RHAG: variants seen among roughly 807,000 people sequenced by gnomAD.
RHAG encodes the protein ammonium transporter Rh type A.
In RHAG, 25 loss-of-function variants were observed where a neutral mutation model predicts 42.4. That is an observed-to-expected ratio of 0.59 (90% CI 0.43 to 0.82). The LOEUF (loss-of-function observed/expected upper bound fraction) is 0.82, where lower values mean the gene tolerates loss of function less well. Ranked by LOEUF, RHAG falls within the 40% of genes least tolerant of loss-of-function variation. The probability of loss-of-function intolerance (pLI) is 0.00; values close to 1 mark genes in which losing one functional copy is unlikely to be tolerated. For synonymous variants in RHAG, 182 were observed against 177.7 expected, an observed-to-expected ratio of 1.02 and a Z score of -0.19; for missense variants, 483 against 504.6, an observed-to-expected ratio of 0.96 and a Z score of 0.41.
intron 7 of RHAG, among the ~76,000 whole-genome samples, chr6:49,607,934 A>C (rs1366768815): frequency 6.6e-6 from 1 of 152,174 alleles, no homozygotes; most frequent in African/African-American, 2.4e-5. Context: ...CAGTCTCATC[A>C]TCCAAGGGAA....
intron 1 of RHAG, among the ~76,000 whole-genome samples, chr6:49,623,688 G>C (rs1293583652): frequency 1.3e-5 from 2 of 152,162 alleles, no homozygotes; most frequent in Non-Finnish European, 2.9e-5. Flanking sequence ...TACAGACTAG[G>C]GATGCTGCCA....
chr6:49,633,403 C>T (rs1470243914), intron 1 of RHAG, among the ~76,000 whole-genome samples: 1 of 152,168 alleles, frequency 6.6e-6, no homozygotes, highest in Non-Finnish European at 1.5e-5. Context: ...TATACCATTA[C>T]ATAAACTTTG....
chr6:49,620,143 G>A (rs989996445), intron 1 of RHAG, among the ~76,000 whole-genome samples: 1 of 152,088 alleles, frequency 6.6e-6, no homozygotes, highest in Admixed American at 6.6e-5. Context: ...GGGGATATGG[G>A]CTCAGGTACC....
intron 1 of RHAG, among the ~76,000 whole-genome samples, chr6:49,620,893 G>T (rs1762745776): frequency 6.6e-6 from 1 of 152,176 alleles, no homozygotes; most frequent in South Asian, 2.1e-4. Flanking sequence ...AAATAGGTAT[G>T]AGGGAGGATG....
intron 1 of RHAG, among the ~76,000 whole-genome samples, chr6:49,629,500 A>C (rs1465388811): frequency 2.6e-5 from 4 of 152,196 alleles, no homozygotes; most frequent in Admixed American, 6.5e-5. Context: ...TGGATCCCGC[A>C]CCAGGCATGC....
chr6:49,630,928 C>T lies in RHAG; in HGVS notation c.157+5728G>A, dbSNP rs116728679. On this transcript the variant is annotated intron_variant, in intron 1 of 9. Coordinates refer to ENST00000371175, the MANE Select transcript of RHAG (RefSeq NM_000324.3). Reference sequence around the variant, plus strand: ...ATTTTCTTTGTCATGTGTCTTTAGACGCCTTTGATTTAGAGCAGTTCTCTT... The same window carrying T: ...ATTTTCTTTGTCATGTGTCTTTAGATGCCTTTGATTTAGAGCAGTTCTCTT... Among the ~76,000 whole-genome samples, 396 of 152,210 alleles carry T rather than the reference C, an allele frequency of 2.6e-3. 1 individual carries two copies. Among genetic ancestry groups the T allele is most frequent in the African/African-American group, 8.7e-3 (363 of 41,532 alleles).
At chr6:49,613,604 C>A (rs1762603489) in intron 5 of RHAG, among the ~76,000 whole-genome samples, 1 of 152,262 alleles carries the variant, frequency 6.6e-6, no homozygotes, top group Non-Finnish European at 1.5e-5. Context: ...TCCACCCCAC[C>A]TGCCCCACCC....
rs1413310807 is a variant in RHAG, at chr6:49,612,524, T to C, written c.818A>G (p.Gln273Arg). The C allele has an allele frequency of 1.2e-6, 2 of 1,613,996 alleles. No individual in the cohort carries two copies. The highest frequency in any genetic ancestry group is 1.7e-6 in the Non-Finnish European group (2 of 1,179,990). Residue 273 changes from glutamine to arginine, a missense_variant, in exon 6 of 10, where the codon CAG becomes CGG. By Grantham distance (43) the Gln-to-Arg change is conservative. Transcript: ENST00000371175. The part of the protein sequence containing the change: ...HRGKLNMVHI[Q>R]NATLAGGVAV... ...AACTCCTCCAGCAAGGGTGGCATTC[T>C]GAATGTGAACCTGTGTGAGCGGCAG...
At chr6:49,620,544 G>C (rs185669404) in intron 1 of RHAG, among the ~76,000 whole-genome samples, 28 of 144,166 alleles carry the variant, frequency 1.9e-4, no homozygotes, top group Admixed American at 5.3e-4. Context: ...TCTTTTTTTG[G>C]GGGGGGAGAC....
intron 5 of RHAG, among the ~76,000 whole-genome samples, chr6:49,612,804 A>G (rs1268087396): frequency 2.0e-5 from 3 of 152,174 alleles, no homozygotes; most frequent in Non-Finnish European, 4.4e-5. Context: ...GAGAAAATCA[A>G]AAGATGTTGT....
chr6:49,626,715 C>CT (rs1297009737), intron 1 of RHAG, among the ~76,000 whole-genome samples: 3 of 152,190 alleles, frequency 2.0e-5, no homozygotes, highest in African/African-American at 7.2e-5. Flanking sequence ...CTGCACTGCC[C>CT]TAGCAGAGGT....
intron 1 of RHAG, among the ~76,000 whole-genome samples, chr6:49,630,796 G>A (rs1036868648): frequency 2.6e-5 from 4 of 151,838 alleles, no homozygotes; most frequent in Non-Finnish European, 5.9e-5. Flanking sequence ...TGCCAACATC[G>A]GTATAATAAT....
At chr6:49,618,397 T>G (rs1398603045) in intron 2 of RHAG, among the ~76,000 whole-genome samples, 179 bp from the exon 3 acceptor site, 4 of 152,236 alleles carry the variant, frequency 2.6e-5, no homozygotes, top group African/African-American at 9.6e-5. Flanking sequence ...TGTATATATT[T>G]TAACTCACCT....
chr6:49,617,543 A>G (rs1273101862), intron 3 of RHAG, among the ~76,000 whole-genome samples: 1 of 152,244 alleles, frequency 6.6e-6, no homozygotes, highest in Non-Finnish European at 1.5e-5. Context: ...TAATGTTAAT[A>G]GAAATACAAA....
chr6:49,622,858 C>T (rs1468954000), intron 1 of RHAG, among the ~76,000 whole-genome samples: 1 of 131,558 alleles, frequency 7.6e-6, no homozygotes, highest in Non-Finnish European at 1.5e-5. Context: ...TGTTTTGAGA[C>T]GGAGTCTCGC....
Position 49,607,912 on chromosome 6 carries a change from T to G in RHAG, c.1068-692A>C, listed in dbSNP as rs79959971. On this transcript the variant is annotated intron_variant, in intron 7 of 9. Transcript: ENST00000371175. Reference sequence around the variant, plus strand: ...ATAAAACAATTGGAAAATAAGAGTTTTTTTGGTCTTCCAGTCTCATCATCC... The same window carrying G: ...ATAAAACAATTGGAAAATAAGAGTTGTTTTGGTCTTCCAGTCTCATCATCC... 7.9e-3 allele frequency among the ~76,000 whole-genome samples: 1,208 copies of G among 152,228 alleles called. 19 individuals are homozygous for G. The highest frequency in any genetic ancestry group is 0.027 in the African/African-American group (1,130 of 41,540).
intron 1 of RHAG, among the ~76,000 whole-genome samples, chr6:49,624,458 G>A (rs1762811258): frequency 6.6e-6 from 1 of 152,180 alleles, no homozygotes; most frequent in Non-Finnish European, 1.5e-5. Flanking sequence ...ACCAGCCTCG[G>A]CCTCCCAAAG....
At chr6:49,628,414 G>T (rs1251481800) in intron 1 of RHAG, among the ~76,000 whole-genome samples, 2 of 152,188 alleles carry the variant, frequency 1.3e-5, no homozygotes, top group African/African-American at 2.4e-5. Context: ...CAAAGTGCAG[G>T]TGTGTCCGGA....
intron 1 of RHAG, among the ~76,000 whole-genome samples, chr6:49,632,734 C>G (rs928755725): frequency 5.9e-5 from 9 of 151,978 alleles, no homozygotes; most frequent in African/African-American, 1.9e-4. Flanking sequence ...TTTAATGTCC[C>G]CTAGATATTA....
Sources: allele counts gnomAD v4.1 joint callset (sites outside exome capture counted in the v4.1 genomes callset), GRCh38; gene constraint gnomAD v4.1.1; transcripts MANE v1.5; gene names NCBI Gene and HGNC (gene_info 2026-07-23, HGNC 2026-07-21).